Variants in TRIM33 observed in about 807,000 individuals in gnomAD.
TRIM33 encodes the protein E3 ubiquitin-protein ligase TRIM33.
A neutral mutation model predicts 125.4 loss-of-function variants in TRIM33; 20 were observed. The ratio of observed to expected loss-of-function variants is 0.16; its 90% confidence interval spans 0.11 to 0.23. The LOEUF (loss-of-function observed/expected upper bound fraction) is 0.23, where lower values mean the gene tolerates loss of function less well. TRIM33 is among the 10% of genes least tolerant of loss of function. The probability of loss-of-function intolerance (pLI) is 1.00; values close to 1 mark genes in which losing one functional copy is unlikely to be tolerated. For missense variants in TRIM33, 920 were observed against 1,411.4 expected, an observed-to-expected ratio of 0.65 and a Z score of 5.58; for synonymous variants, 564 against 513.9, an observed-to-expected ratio of 1.10 and a Z score of -1.32.
At chr1:114,461,822 GCAGA>G (rs1445768255) in intron 4 of TRIM33, among the ~76,000 whole-genome samples, 2 of 152,116 alleles carry the variant, frequency 1.3e-5, no homozygotes, top group African/African-American at 4.8e-5. Context: ...GAGACTGTTA[GCAGA>G]CAATCTAAAA....
rs940178157 is a variant in TRIM33 at position 114,393,815 on chromosome 1, TAA to T, written c.*3831_*3832del. 2 of 208,128 alleles carry T rather than the reference TAA, an allele frequency of 9.6e-6. No homozygotes were observed. Among genetic ancestry groups the T allele is most frequent in the African/African-American group, 4.6e-5 (2 of 43,916 alleles). 12.9% of individuals were successfully genotyped at this position (208,128 alleles called of 1,614,324 possible). On this transcript the variant is annotated 3_prime_UTR_variant, in exon 20 of 20. Coordinates refer to ENST00000358465, the MANE Select transcript of TRIM33 (RefSeq NM_015906.4). ...ATGCAACTTTCCCCAATTTTTAAAA[TAA>T]AATGCCACAATATAGTGTCATTACT... is the stretch of plus-strand genomic sequence containing the variant.
intron 1 of TRIM33, among the ~76,000 whole-genome samples, chr1:114,479,221 A>G (rs1270122656): frequency 6.6e-6 from 1 of 152,238 alleles, no homozygotes; most frequent in Non-Finnish European, 1.5e-5. Flanking sequence ...GTCACAGGAC[A>G]TAAGAGCAAA....
intron 4 of TRIM33, chr1:114,459,813 G>C (rs1649849686): frequency 6.6e-6 from 1 of 152,144 alleles, no homozygotes; most frequent in Admixed American, 6.6e-5. Flanking sequence ...ACATTGTTCT[G>C]GACTAAGCTC....
chr1:114,467,481 T>G (rs997307079), intron 1 of TRIM33, among the ~76,000 whole-genome samples: 2 of 152,138 alleles, frequency 1.3e-5, no homozygotes, highest in African/African-American at 4.8e-5. Context: ...AATGTAGTTA[T>G]GACTGCTGAG....
At chr1:114,413,558 C>CAA (rs34268626) in intron 11 of TRIM33, among the ~76,000 whole-genome samples, 3,426 of 39,980 alleles carry the variant, frequency 0.086, 120 homozygotes, top group Non-Finnish European at 0.1. Context: ...AACTCCATCT[C>CAA]AAAAAAAAAA....
intron 4 of TRIM33, among the ~76,000 whole-genome samples, chr1:114,441,078 T>C (rs1157149458): frequency 6.6e-6 from 1 of 152,126 alleles, no homozygotes; most frequent in East Asian, 1.9e-4. Context: ...GAGGCTGAAG[T>C]GGGAGGATCG....
rs935654464 is a variant in TRIM33, at chr1:114,408,570, A to C, written c.2258+107T>G. 6 of 682,276 alleles carry C rather than the reference A, an allele frequency of 8.8e-6. No homozygotes were observed. In the African/African-American group the frequency reaches 9.3e-5, roughly 11 times the overall value. 42.3% of individuals were successfully genotyped at this position (682,276 alleles called of 1,614,324 possible). On this transcript the variant is annotated intron_variant, in intron 13 of 19. Transcript: ENST00000358465. ...TTGGCCATTATTTGATCACTGTTAA[A>C]GCTGAGTGTTAAGTATAAAGGGGTT...
intron 11 of TRIM33, among the ~76,000 whole-genome samples, chr1:114,413,570 A>AG (rs1652723555): frequency 1.5e-5 from 2 of 132,942 alleles, no homozygotes; most frequent in Non-Finnish European, 1.6e-5. Context: ...AAAAAAAAAA[A>AG]AAAGAAAAGA....
chr1:114,460,573 CTTTTTT>C (rs35612978), intron 4 of TRIM33, among the ~76,000 whole-genome samples: 8 of 64,468 alleles, frequency 1.2e-4, no homozygotes, highest in Admixed American at 2.3e-4. Flanking sequence ...CCCCCGCCAC[CTTTTTT>C]TTTTTTTTTT....
chr1:114,463,482 T>C lies in TRIM33; in HGVS notation c.720A>G (p.Thr240=), dbSNP rs779172815. The change falls in exon 3 of 20, where the codon ACA becomes ACG. Residue 240 remains threonine (T), a synonymous_variant. Coordinates refer to ENST00000358465, the MANE Select transcript of TRIM33 (RefSeq NM_015906.4). ...CVECGEWLCK[T]CIEAHQRVKF... ...TTACTCTTTGATGTGCTTCGATACA[T>C]GTCTTACATAGCCACTCTCCACATT... The C allele has an allele frequency of 6.2e-7, 1 of 1,612,442 alleles. No individual in the cohort carries two copies. Among genetic ancestry groups the C allele is most frequent in the Non-Finnish European group, 8.5e-7 (1 of 1,178,574 alleles).
chr1:114,508,780 ACTAG>A (rs935683478), intron 1 of TRIM33, among the ~76,000 whole-genome samples: 1 of 152,176 alleles, frequency 6.6e-6, no homozygotes, highest in African/African-American at 2.4e-5. Context: ...CTATTAATAT[ACTAG>A]CTACCATTTC....
intron 4 of TRIM33, among the ~76,000 whole-genome samples, chr1:114,443,073 T>C (rs1016409594): frequency 7.1e-5 from 10 of 141,462 alleles, no homozygotes; most frequent in Non-Finnish European, 9.4e-5. Flanking sequence ...CCTCTCTCCC[T>C]TTTTTTTTTT....
At chr1:114,486,559 A>AC (rs1270332213) in intron 1 of TRIM33, among the ~76,000 whole-genome samples, 1 of 150,580 alleles carries the variant, frequency 6.6e-6, no homozygotes, top group Admixed American at 6.6e-5. Context: ...AAAAAAAAAA[A>AC]AAAAAAACCC....
chr1:114,504,148 TTTTTTTTTATTTTTTTA>T (rs1652861055), intron 1 of TRIM33, among the ~76,000 whole-genome samples: 3 of 151,050 alleles, frequency 2.0e-5, no homozygotes, highest in Non-Finnish European at 4.4e-5. Context: ...GCCATTATCC[TTTTTTTTTATTTTTTTA>T]TTTTTTTTAT....
At chr1:114,450,548 T>C (rs1186831843) in intron 4 of TRIM33, among the ~76,000 whole-genome samples, 2 of 151,974 alleles carry the variant, frequency 1.3e-5, no homozygotes, top group Non-Finnish European at 2.9e-5. Flanking sequence ...AAACTAAAAA[T>C]TTACTAGAAT....
At position 114,510,916 on chromosome 1, in the gene TRIM33, C is replaced by G. The variant is rs1313165969; in HGVS notation, c.161G>C (p.Gly54Ala). The part of the protein sequence containing the change: ...EEEEEEGGRA[G>A]AEGGAAGPDD... Reference sequence around the variant, plus strand: ...GGGCCCGGCCGCGCCGCCCTCAGCGCCGGCCCTGCCGCCTTCCTCCTCCTC... The same window carrying G: ...GGGCCCGGCCGCGCCGCCCTCAGCGGCGGCCCTGCCGCCTTCCTCCTCCTC... Residue 54 changes from glycine (G) to alanine (A), a missense_variant, in exon 1 of 20, where the codon GGC becomes GCC. Physicochemically the swap from Gly to Ala is moderately conservative, Grantham distance 60. Coordinates refer to ENST00000358465, the MANE Select transcript of TRIM33 (RefSeq NM_015906.4). 2 of 1,418,624 alleles carry G rather than the reference C, an allele frequency of 1.4e-6. No homozygotes were observed. Among genetic ancestry groups the G allele is most frequent in the African/African-American group, 3.0e-5 (2 of 66,560 alleles). The allele number at this position is 1,418,624 out of a possible 1,614,324, so 87.9% of individuals were successfully genotyped here. A position where few individuals can be genotyped will look rare whatever the true frequency, so the allele number is the denominator to read the frequency against.
intron 1 of TRIM33, among the ~76,000 whole-genome samples, chr1:114,472,332 A>T (rs1479138445): frequency 6.6e-6 from 1 of 152,232 alleles, no homozygotes; most frequent in Admixed American, 6.5e-5. Context: ...AAGGAACAAT[A>T]CTGTGATTCA....
chr1:114,397,589 G>GTTTTTTTTTTTTTTTTTGTTTTT lies in TRIM33; in HGVS notation c.*58_*59insAAAAACAAAAAAAAAAAAAAAAA. On this transcript the variant is annotated 3_prime_UTR_variant, in exon 20 of 20. Coordinates refer to ENST00000358465, the MANE Select transcript of TRIM33 (RefSeq NM_015906.4). The stretch of plus-strand genomic sequence containing the variant: ...CTTAAAAGTTTTCTGGGTTTTTTGT[G>GTTTTTTTTTTTTTTTTTGTTTTT]TTTTTTTTTTTTTTTTCGTTTTTTT... 1 of 637,684 alleles carries GTTTTTTTTTTTTTTTTTGTTTTT rather than the reference G, an allele frequency of 1.6e-6. No individual in the cohort carries two copies. Among genetic ancestry groups the GTTTTTTTTTTTTTTTTTGTTTTT allele is most frequent in the Non-Finnish European group, 2.4e-6 (1 of 424,414 alleles). 39.5% of individuals were successfully genotyped at this position (637,684 alleles called of 1,614,324 possible). A position where few individuals can be genotyped will look rare whatever the true frequency, so the allele number is the denominator to read the frequency against.
intron 1 of TRIM33, among the ~76,000 whole-genome samples, chr1:114,487,334 C>CAGG (rs1651761877): frequency 8.4e-6 from 1 of 119,482 alleles, no homozygotes; most frequent in African/African-American, 3.2e-5. Flanking sequence ...TAAAACCATG[C>CAGG]AGGCCAAAAA....
Sources: allele counts gnomAD v4.1 joint callset (sites outside exome capture counted in the v4.1 genomes callset), GRCh38; gene constraint gnomAD v4.1.1; transcripts MANE v1.5; gene names NCBI Gene and HGNC (gene_info 2026-07-23, HGNC 2026-07-21).